The following NEDD4 variants were observed in gnomAD, a reference collection of about 807,000 sequenced individuals.
NEDD4 encodes E3 ubiquitin-protein ligase NEDD4.
In NEDD4, 99 loss-of-function variants were observed where a neutral mutation model predicts 144.9. The observed-to-expected ratio is 0.68, with a 90% confidence interval of 0.58 to 0.81. The LOEUF (loss-of-function observed/expected upper bound fraction) is 0.81. NEDD4 is among the 30% of genes least tolerant of loss of function. The probability of loss-of-function intolerance (pLI) is 0.00; values close to 1 mark genes in which losing one functional copy is unlikely to be tolerated. For synonymous variants in NEDD4, 318 were observed against 350.6 expected (o/e 0.91, Z 1.04); for missense variants, 985 against 1,065.9 (o/e 0.92, Z 1.06).
intron 4 of NEDD4, among the ~76,000 whole-genome samples, chr15:55,949,277 C>T (rs8037098): frequency 7.2e-5 from 11 of 152,030 alleles, no homozygotes; most frequent in South Asian, 4.2e-4. Flanking sequence ...GTTAGAATGG[C>T]GAACATTAAA....
intron 5 of NEDD4, among the ~76,000 whole-genome samples, chr15:55,911,278 G>C (rs2036264613): frequency 6.6e-6 from 1 of 151,992 alleles, no homozygotes. Flanking sequence ...ATCCTACAGT[G>C]CACAGGATAG....
At chr15:55,870,808 T>C (rs1400179367) in intron 7 of NEDD4, among the ~76,000 whole-genome samples, 1 of 152,172 alleles carries the variant, frequency 6.6e-6, no homozygotes, top group African/African-American at 2.4e-5. Context: ...GTGCTACAAT[T>C]ACAATGCTTT....
At position 55,827,348 on chromosome 15, in the gene NEDD4, G is replaced by C. The variant is rs2032741614; in HGVS notation, c.*2549C>G. 6.6e-6 allele frequency: 1 copy of C among 152,194 alleles called. No homozygotes were observed. Among genetic ancestry groups the C allele is most frequent in the African/African-American group, 2.4e-5 (1 of 41,440 alleles). The allele number at this position is 152,194 out of a possible 1,614,324, so 9.4% of individuals were successfully genotyped here. On this transcript the variant is annotated 3_prime_UTR_variant, in exon 29 of 29. Coordinates refer to ENST00000435532, the MANE Select transcript of NEDD4 (RefSeq NM_006154.4). ...ACTTTTCTATCTGGGATAAGGGGCT[G>C]TGTTGCTTGATAGATGTTTCTTCCA...
intron 1 of NEDD4, among the ~76,000 whole-genome samples, chr15:55,985,273 C>G (rs186233788): frequency 6.6e-6 from 1 of 152,222 alleles, no homozygotes; most frequent in African/African-American, 2.4e-5. Flanking sequence ...CAATCACAGG[C>G]CACTACAGAA....
At chr15:55,845,109 C>T (rs1394990395) in intron 18 of NEDD4, among the ~76,000 whole-genome samples, 1 of 152,146 alleles carries the variant, frequency 6.6e-6, no homozygotes, top group African/African-American at 2.4e-5. Context: ...TGTGAGAATT[C>T]ATATTCTTAG....
chr15:55,837,872 T>C, intron 23 of NEDD4, 23 bp from the exon 24 acceptor site: 1 of 1,586,284 alleles, frequency 6.3e-7, no homozygotes, highest in Non-Finnish European at 8.6e-7. Flanking sequence ...AACATTTCAT[T>C]TTCATGTGAA....
intron 18 of NEDD4, among the ~76,000 whole-genome samples, chr15:55,846,654 C>T (rs1170310088): frequency 6.6e-6 from 1 of 152,206 alleles, no homozygotes; most frequent in African/African-American, 2.4e-5. Context: ...TTTCCTGACC[C>T]ACTCTTGCTC....
chr15:55,905,092 C>CAAAAAA (rs59917604), intron 5 of NEDD4: 4 of 245,616 alleles, frequency 1.6e-5, no homozygotes, highest in African/African-American at 3.3e-5. Flanking sequence ...AATTCCGTCT[C>CAAAAAA]AAAAAAAAAA....
chr15:55,978,695 T>C (rs2037745435), intron 1 of NEDD4, among the ~76,000 whole-genome samples: 1 of 152,164 alleles, frequency 6.6e-6, no homozygotes, highest in Admixed American at 6.5e-5. Flanking sequence ...TCCAAACTCA[T>C]GAGTAAAGAG....
chr15:55,878,976 C>T (rs1183417473), intron 5 of NEDD4, among the ~76,000 whole-genome samples: 1 of 152,176 alleles, frequency 6.6e-6, no homozygotes, highest in African/African-American at 2.4e-5. Context: ...GCATGTGCCA[C>T]CACAACCAGC....
At chr15:55,883,071 G>A (rs1306868309) in intron 5 of NEDD4, among the ~76,000 whole-genome samples, 1 of 152,180 alleles carries the variant, frequency 6.6e-6, no homozygotes, top group Non-Finnish European at 1.5e-5. Flanking sequence ...GTAGGGTAGA[G>A]CACCAAGCCT....
At chr15:55,931,661 C>G (rs2036784569) in intron 4 of NEDD4, among the ~76,000 whole-genome samples, 1 of 152,148 alleles carries the variant, frequency 6.6e-6, no homozygotes, top group Non-Finnish European at 1.5e-5. Flanking sequence ...GTATATGATT[C>G]TATTGTGTTC....
intron 9 of NEDD4, 117 bp from the exon 10 acceptor site, chr15:55,860,895 C>A: frequency 2.3e-6 from 2 of 853,146 alleles, no homozygotes; most frequent in Admixed American, 2.3e-5. Context: ...AATTTATTGT[C>A]TTTGACCAAA....
At chr15:55,930,605 T>G (rs1391591276) in intron 4 of NEDD4, among the ~76,000 whole-genome samples, 9 of 152,220 alleles carry the variant, frequency 5.9e-5, no homozygotes, top group African/African-American at 1.9e-4. Flanking sequence ...ACTGAAATGC[T>G]TACTGATATG....
intron 4 of NEDD4, among the ~76,000 whole-genome samples, chr15:55,931,564 A>C (rs1214041793): frequency 6.6e-6 from 1 of 152,244 alleles, no homozygotes; most frequent in Non-Finnish European, 1.5e-5. Context: ...AAGGATAACT[A>C]TGTTAGTCTA....
chr15:55,961,375 C>G (rs2037423963), intron 2 of NEDD4, among the ~76,000 whole-genome samples: 2 of 152,124 alleles, frequency 1.3e-5, no homozygotes, highest in African/African-American at 2.4e-5. Context: ...GACCCTGTAG[C>G]AGAGGACCCA....
At chr15:55,862,406 A>G (rs1413388017) in intron 9 of NEDD4, among the ~76,000 whole-genome samples, 3 of 152,148 alleles carry the variant, frequency 2.0e-5, no homozygotes. Context: ...AAGTTAGAAT[A>G]TGTTGAAAGT....
At chr15:55,946,040 C>A (rs1444178217) in intron 4 of NEDD4, among the ~76,000 whole-genome samples, 2 of 152,208 alleles carry the variant, frequency 1.3e-5, no homozygotes, top group African/African-American at 4.8e-5. Context: ...GTACCAGCCA[C>A]TGCAAAACCA....
At chr15:55,938,617 A>AC (rs2036937245) in intron 4 of NEDD4, among the ~76,000 whole-genome samples, 1 of 152,146 alleles carries the variant, frequency 6.6e-6, no homozygotes, top group Non-Finnish European at 1.5e-5. Flanking sequence ...AAGTGCAGCT[A>AC]CATTTAACTA....
Sources: gnomAD v4.1 joint callset for allele counts (sites outside exome capture counted in the v4.1 genomes callset) on GRCh38, gnomAD v4.1.1 for gene constraint, MANE v1.5 for transcripts, NCBI Gene and HGNC (gene_info 2026-07-23, HGNC 2026-07-21) for gene names.